The following UBE3D variants were observed in gnomAD, a reference collection of about 807,000 sequenced individuals.
The protein encoded by UBE3D is ubiquitin protein ligase E3D, also known as E3 ubiquitin-protein ligase E3D.
UBE3D carries 48 observed loss-of-function variants against 49.6 expected under a neutral mutation model. The observed-to-expected ratio is 0.97, with a 90% confidence interval of 0.77 to 1.23. UBE3D has a LOEUF of 1.23. UBE3D is among the 50% of genes most tolerant of loss of function. The probability of loss-of-function intolerance (pLI) is 0.00; values close to 1 mark genes in which losing one functional copy is unlikely to be tolerated. For missense variants in UBE3D, 452 were observed against 468.4 expected (o/e 0.96, Z 0.32); for synonymous variants, 189 against 174.2 (o/e 1.08, Z -0.67).
chr6:82,993,886 T>C (rs901322219), intron 8 of UBE3D, among the ~76,000 whole-genome samples: 1 of 152,256 alleles, frequency 6.6e-6, no homozygotes, highest in Non-Finnish European at 1.5e-5. Flanking sequence ...CATGATCATA[T>C]GAGATTCATA....
intron 8 of UBE3D, among the ~76,000 whole-genome samples, chr6:82,979,846 A>G (rs1777991572): frequency 6.6e-6 from 1 of 152,086 alleles, no homozygotes; most frequent in African/African-American, 2.4e-5. Flanking sequence ...CATGCAGTAT[A>G]TGACTTCCTG....
At chr6:82,904,451 C>T (rs1771954139) in intron 9 of UBE3D, among the ~76,000 whole-genome samples, 1 of 152,136 alleles carries the variant, frequency 6.6e-6, no homozygotes, top group Non-Finnish European at 1.5e-5. Flanking sequence ...CTTGGGAGAG[C>T]TGAGATTGAA....
downstream of UBE3D, among the ~76,000 whole-genome samples, chr6:82,887,448 C>T (rs1770908673): frequency 1.5e-5 from 2 of 136,058 alleles, no homozygotes. Context: ...GTGGCTCACA[C>T]CTATAATCCC....
At chr6:83,035,870 C>T (rs1207905600) in intron 5 of UBE3D, among the ~76,000 whole-genome samples, 2 of 152,150 alleles carry the variant, frequency 1.3e-5, no homozygotes, top group Non-Finnish European at 2.9e-5. Context: ...TCCTGAAAGG[C>T]TCAATTCACT....
At chr6:82,901,574 AG>A (rs1433977223) in intron 9 of UBE3D, among the ~76,000 whole-genome samples, 1 of 152,202 alleles carries the variant, frequency 6.6e-6, no homozygotes, top group East Asian at 1.9e-4. Context: ...CATTTTATAT[AG>A]CTGAGCAAAC....
chr6:83,060,828 A>G lies in UBE3D; in HGVS notation c.78-2806T>C, dbSNP rs887530523. Among the ~76,000 whole-genome samples the G allele has an allele frequency of 1.1e-4, 17 of 152,226 alleles. 1 individual carries two copies. Among genetic ancestry groups the G allele is most frequent in the African/African-American group, 3.9e-4 (16 of 41,462 alleles). ...ACATCTGGTATAATATGAACAAAAAAGTAGCCCATTGAATAAAATAAAAAA... is the reference window on the plus strand; with the variant it reads ...ACATCTGGTATAATATGAACAAAAAGGTAGCCCATTGAATAAAATAAAAAA... On this transcript the variant is annotated intron_variant, in intron 1 of 9. Transcript: ENST00000369747.
chr6:83,001,556 C>T (rs572500317), intron 8 of UBE3D, among the ~76,000 whole-genome samples: 1 of 152,300 alleles, frequency 6.6e-6, no homozygotes, highest in African/African-American at 2.4e-5. Flanking sequence ...CTCTCCAGTT[C>T]ACCTCTTACT....
Position 83,023,980 on chromosome 6 carries a change from AG to A in UBE3D, c.725del (p.Pro242LeufsTer12), listed in dbSNP as rs1238153441. ...TTTGCTATTTGTACCTTGGTATGAT[AG>A]GAAAACTCCTCTCAGATGACTGAAT... ...IIIQSSERSF[P>X]IIPRSWFVQS... On this transcript the variant is annotated frameshift_variant, in exon 6 of 10. Transcript: ENST00000369747. LOFTEE classifies it high-confidence loss of function. The A allele has an allele frequency of 9.8e-6, 15 of 1,535,218 alleles. No homozygotes were observed. Among genetic ancestry groups the A allele is most frequent in the Non-Finnish European group, 1.3e-5 (15 of 1,147,570 alleles).
Position 83,014,332 on chromosome 6 carries a change from T to A in UBE3D, c.1010+4641A>T, listed in dbSNP as rs576431810. Among the ~76,000 whole-genome samples the A allele has an allele frequency of 9.2e-4, 140 of 152,336 alleles. 4 individuals carry two copies. Among genetic ancestry groups the A allele is most frequent in the Admixed American group, 9.1e-3 (140 of 15,302 alleles). On this transcript the variant is annotated intron_variant, in intron 8 of 9. Coordinates refer to ENST00000369747, the MANE Select transcript of UBE3D (RefSeq NM_198920.3). ...TGCAATATTAGTTTTGATTTACTAT[T>A]TTTCTAGGTAGAGTCAGCTCTAATG...
chr6:83,015,932 A>G (rs1190075912), intron 8 of UBE3D, among the ~76,000 whole-genome samples: 1 of 152,158 alleles, frequency 6.6e-6, no homozygotes, highest in Non-Finnish European at 1.5e-5. Context: ...ATTGGAGTTT[A>G]CAAGCTCAGT....
At chr6:82,931,993 T>C (rs1170542109) in intron 9 of UBE3D, among the ~76,000 whole-genome samples, 1 of 152,146 alleles carries the variant, frequency 6.6e-6, no homozygotes, top group Admixed American at 6.5e-5. Flanking sequence ...TGTCTCCTGA[T>C]AGTGAGTGAG....
chr6:82,926,852 T>C (rs984565012), intron 9 of UBE3D, among the ~76,000 whole-genome samples: 2 of 152,148 alleles, frequency 1.3e-5, no homozygotes, highest in Non-Finnish European at 1.5e-5. Context: ...GAAATTTTTA[T>C]TTTAATGAAG....
chr6:82,911,196 C>CAA (rs1156620624), intron 9 of UBE3D, among the ~76,000 whole-genome samples: 3,684 of 39,268 alleles, frequency 0.094, 886 homozygotes, highest in African/African-American at 0.25. Flanking sequence ...AACATTTTGG[C>CAA]AAAAAAAAAA....
intron 1 of UBE3D, among the ~76,000 whole-genome samples, chr6:83,060,187 A>G (rs765407917): frequency 6.6e-6 from 1 of 152,130 alleles, no homozygotes; most frequent in Non-Finnish European, 1.5e-5. Context: ...CATTCAGTCC[A>G]TAACAGGGTC....
intron 9 of UBE3D, among the ~76,000 whole-genome samples, chr6:82,923,872 TACAGGTAATTC>T (rs1773542767): frequency 6.6e-6 from 1 of 152,180 alleles, no homozygotes; most frequent in African/African-American, 2.4e-5. Flanking sequence ...TGAAAATTAT[TACAGGTAATTC>T]ACCATATAAA....
intron 2 of UBE3D, among the ~76,000 whole-genome samples, chr6:83,057,484 A>G (rs925390489): frequency 6.6e-6 from 1 of 152,214 alleles, no homozygotes; most frequent in African/African-American, 2.4e-5. Flanking sequence ...TTTAAAATCA[A>G]TCAGGTCTTA....
At chr6:83,032,380 C>T in intron 5 of UBE3D, 1 of 426,956 alleles carries the variant, frequency 2.3e-6, no homozygotes, top group South Asian at 1.7e-5. Context: ...GGATTTCAGA[C>T]TTGCATGGGG....
At chr6:83,027,903 TC>T (rs1240573673) in intron 5 of UBE3D, among the ~76,000 whole-genome samples, 28 of 152,188 alleles carry the variant, frequency 1.8e-4, no homozygotes, top group Non-Finnish European at 2.9e-4. Context: ...TAAACATACA[TC>T]AGATAGTCTG....
intron 8 of UBE3D, among the ~76,000 whole-genome samples, chr6:82,983,002 T>C (rs1294410303): frequency 6.6e-6 from 1 of 152,062 alleles, no homozygotes; most frequent in Non-Finnish European, 1.5e-5. Flanking sequence ...TCTTTTTTTC[T>C]TTTTAAACAG....
Sources: gnomAD v4.1 joint callset for allele counts (sites outside exome capture counted in the v4.1 genomes callset) on GRCh38, gnomAD v4.1.1 for gene constraint, MANE v1.5 for transcripts, NCBI Gene and HGNC (gene_info 2026-07-23, HGNC 2026-07-21) for gene names.